The following RAPGEF4 variants were observed in gnomAD, a reference collection of about 807,000 sequenced individuals.
RAPGEF4 encodes RAP guanine-nucleotide-exchange factor (GEF) 4.
In RAPGEF4, 66 loss-of-function variants were observed where a neutral mutation model predicts 147.9. The ratio of observed to expected loss-of-function variants is 0.45; its 90% CI spans 0.37 to 0.55. The LOEUF is 0.55. Ranked by LOEUF, RAPGEF4 falls within the 20% of genes least tolerant of loss-of-function variation. The pLI is 0.00. For synonymous variants in RAPGEF4, 419 were observed against 442.7 expected, an observed-to-expected ratio of 0.95 and a Z score of 0.67; for missense variants, 1,071 against 1,257.3, an observed-to-expected ratio of 0.85 and a Z score of 2.24.
At chr2:172,936,140 G>A (rs1203095643) in intron 6 of RAPGEF4, among the ~76,000 whole-genome samples, 4 of 152,104 alleles carry the variant, frequency 2.6e-5, no homozygotes, top group African/African-American at 9.7e-5. Flanking sequence ...AGGCCGAGGT[G>A]GGTGGGTTGC....
intron 6 of RAPGEF4, among the ~76,000 whole-genome samples, chr2:172,933,264 G>C (rs911161728): frequency 5.3e-5 from 8 of 152,054 alleles, no homozygotes; most frequent in African/African-American, 1.7e-4. Context: ...GGGGTGGAAA[G>C]TGTTGCATTC....
intron 1 of RAPGEF4, among the ~76,000 whole-genome samples, chr2:172,736,644 T>TA (rs1386238264): frequency 5.3e-5 from 8 of 152,190 alleles, no homozygotes; most frequent in African/African-American, 1.9e-4. Flanking sequence ...GGAAAAGATC[T>TA]TTACGCTAAA....
rs1205742871 is a variant in RAPGEF4 at position 173,014,527 on chromosome 2, G to C, written c.1722G>C (p.Lys574Asn). ...AAATGGATTATGCCCTCAACAATAA[G>C]AGGCGAGTCATCCGCCTGGTTCTAC... ...QEKMDYALNN[K>N]RRVIRLVLQW... is the part of the protein sequence containing the mutation. The change falls in exon 18 of 31, where the codon AAG (lysine) becomes AAC (asparagine). Residue 574 changes from lysine (K) to asparagine (N), a missense_variant. By Grantham distance (94) the Lys-to-Asn change is moderately conservative. Transcript: ENST00000397081. 6.2e-7 allele frequency: 1 copy of C among 1,613,978 alleles called. No homozygotes were observed. Among genetic ancestry groups the C allele is most frequent in the Non-Finnish European group, 8.5e-7 (1 of 1,180,000 alleles).
At chr2:172,955,213 A>T (rs958359785) in intron 6 of RAPGEF4, among the ~76,000 whole-genome samples, 29 of 152,208 alleles carry the variant, frequency 1.9e-4, no homozygotes, top group African/African-American at 6.8e-4. Flanking sequence ...AGTGCCTTAT[A>T]CCTCATTATA....
chr2:172,834,855 T>C (rs72900231), intron 4 of RAPGEF4, among the ~76,000 whole-genome samples: 17,262 of 152,268 alleles, frequency 0.11, 1,008 homozygotes, highest in South Asian at 0.18. Flanking sequence ...TTTTATTAAA[T>C]TCTGTTCTCT....
chr2:173,027,312 T>C, intron 25 of RAPGEF4, 53 bp downstream of exon 25: 1 of 1,440,698 alleles, frequency 6.9e-7, no homozygotes, highest in Non-Finnish European at 9.3e-7. Flanking sequence ...TGTGTTTTCA[T>C]TTTGTTTTCT....
intron 22 of RAPGEF4, 91 bp downstream of exon 22, chr2:173,018,893 G>A: frequency 7.2e-7 from 1 of 1,394,930 alleles, no homozygotes; most frequent in Non-Finnish European, 9.9e-7. Context: ...GTCATGTGAG[G>A]CTCACCCAGA....
chr2:172,960,867 C>G, intron 7 of RAPGEF4, 54 bp downstream of exon 7: 1 of 1,420,442 alleles, frequency 7.0e-7, no homozygotes, highest in Non-Finnish European at 9.8e-7. Context: ...TTAAGTACCT[C>G]TGGAGGTGGT....
At chr2:172,862,018 A>G (rs1026068421) in intron 4 of RAPGEF4, among the ~76,000 whole-genome samples, 2 of 152,240 alleles carry the variant, frequency 1.3e-5, no homozygotes, top group African/African-American at 2.4e-5. Context: ...AACAGCGGCA[A>G]TGGCCAAATG....
At chr2:172,801,281 A>C (rs983749568) in intron 3 of RAPGEF4, among the ~76,000 whole-genome samples, 1 of 152,210 alleles carries the variant, frequency 6.6e-6, no homozygotes, top group Non-Finnish European at 1.5e-5. Context: ...AAAGTTACAC[A>C]GTCTAAAAGA....
chr2:172,977,589 T>A (rs561955252), intron 10 of RAPGEF4, among the ~76,000 whole-genome samples: 1 of 152,062 alleles, frequency 6.6e-6, no homozygotes, highest in South Asian at 2.1e-4. Flanking sequence ...GAGCCCCCAC[T>A]AGGGTGGGAG....
chr2:172,985,287 A>G lies in RAPGEF4; in HGVS notation c.1090-146A>G, dbSNP rs141376040. The G allele has an allele frequency of 1.2e-4, 132 of 1,093,794 alleles. No individual in the cohort carries two copies. The African/African-American group carries it at 1.9e-3, about 16-fold the overall frequency. 67.8% of individuals were successfully genotyped at this position (1,093,794 alleles called of 1,614,324 possible). Reference sequence around the variant, plus strand: ...CAGCAAATCGAGTAGAAGTGATTTTAGATGAGAGCAGCAGCAAGAGAGGTG... The same window carrying G: ...CAGCAAATCGAGTAGAAGTGATTTTGGATGAGAGCAGCAGCAAGAGAGGTG... On this transcript the variant is annotated intron_variant, in intron 11 of 30. Coordinates refer to ENST00000397081, the MANE Select transcript of RAPGEF4 (RefSeq NM_007023.4).
chr2:173,019,042 A>G (rs545526401), intron 22 of RAPGEF4, among the ~76,000 whole-genome samples: 47 of 152,344 alleles, frequency 3.1e-4, no homozygotes, highest in African/African-American at 1.1e-3. Context: ...ACTGTCGTGT[A>G]GATGTTGGCC....
chr2:172,839,235 T>C (rs184053256), intron 4 of RAPGEF4, among the ~76,000 whole-genome samples: 1 of 152,216 alleles, frequency 6.6e-6, no homozygotes, highest in Admixed American at 6.5e-5. Context: ...GAGAGGGTTC[T>C]TGGATCTCAC....
chr2:172,817,234 T>G (rs1374778444), intron 4 of RAPGEF4, among the ~76,000 whole-genome samples: 1 of 152,178 alleles, frequency 6.6e-6, no homozygotes, highest in Non-Finnish European at 1.5e-5. Flanking sequence ...GGGCTTCTAT[T>G]CCGCTCAGAG....
In RAPGEF4 at chr2:172,990,857, C is replaced by G. The variant is rs928088419; in HGVS notation, c.1422C>G (p.Val474=). 6.2e-7 allele frequency: 1 copy of G among 1,613,928 alleles called. No homozygotes were observed. Among genetic ancestry groups the G allele is most frequent in the Non-Finnish European group, 8.5e-7 (1 of 1,179,968 alleles). Residue 474 remains valine, a synonymous_variant, in exon 15 of 31, where the codon GTC becomes GTG. Transcript: ENST00000397081. The stretch of plus-strand genomic sequence containing the variant: ...GACTTAAAGAACATGACCAAGATGT[C>G]TTGGTGCTGGAGAAGGTCCCAGCAG... ...TVRLKEHDQD[V]LVLEKVPAGN...
intron 6 of RAPGEF4, among the ~76,000 whole-genome samples, chr2:172,940,543 A>G (rs1414169720): frequency 6.6e-6 from 1 of 152,070 alleles, no homozygotes; most frequent in Non-Finnish European, 1.5e-5. Flanking sequence ...TTCACCTTCC[A>G]CCATGAGTAA....
intron 17 of RAPGEF4, among the ~76,000 whole-genome samples, chr2:173,001,554 A>G (rs1404003317): frequency 6.6e-6 from 1 of 152,100 alleles, no homozygotes; most frequent in African/African-American, 2.4e-5. Flanking sequence ...CTGCTGTGCC[A>G]TGTTTAAGGA....
intron 4 of RAPGEF4, among the ~76,000 whole-genome samples, chr2:172,819,618 A>C (rs1473647921): frequency 1.3e-5 from 2 of 150,998 alleles, no homozygotes; most frequent in Non-Finnish European, 3.0e-5. Context: ...GGCGCCCGCC[A>C]CTACGCCCGG....
Sources: gnomAD v4.1 joint callset for allele counts (sites outside exome capture counted in the v4.1 genomes callset) on GRCh38, gnomAD v4.1.1 for gene constraint, MANE v1.5 for transcripts, NCBI Gene and HGNC (gene_info 2026-07-23, HGNC 2026-07-21) for gene names.